Variants in NELL1 observed in about 807,000 individuals in gnomAD.
The protein encoded by NELL1 is protein kinase C-binding protein NELL1.
In NELL1, 76 loss-of-function variants were observed where a neutral mutation model predicts 107.4. That is an observed-to-expected ratio of 0.71 (90% CI 0.59 to 0.86). NELL1 has a LOEUF of 0.86. Ranked by LOEUF, NELL1 falls within the 40% of genes least tolerant of loss-of-function variation. The probability of loss-of-function intolerance (pLI) is 0.00; values close to 1 mark genes in which losing one functional copy is unlikely to be tolerated. For missense variants in NELL1, 1,024 were observed against 1,005.5 expected (o/e 1.02, Z -0.25); for synonymous variants, 353 against 341.2 (o/e 1.03, Z -0.38).
intron 3 of NELL1, among the ~76,000 whole-genome samples, chr11:20,793,632 T>C (rs544367520): frequency 3.9e-5 from 6 of 152,178 alleles, no homozygotes; most frequent in Non-Finnish European, 7.4e-5. Flanking sequence ...CTTGTGAATA[T>C]TGCTTTGAAT....
At chr11:21,343,141 A>C (rs764698587) in intron 14 of NELL1, among the ~76,000 whole-genome samples, 1 of 152,032 alleles carries the variant, frequency 6.6e-6, no homozygotes, top group Non-Finnish European at 1.5e-5. Flanking sequence ...AAATTTGACT[A>C]TATTATTCCT....
At chr11:21,004,113 T>C (rs1852280389) in intron 12 of NELL1, among the ~76,000 whole-genome samples, 1 of 152,150 alleles carries the variant, frequency 6.6e-6, no homozygotes, top group South Asian at 2.1e-4. Flanking sequence ...TGTGTTCCTA[T>C]GCACTTTATA....
At chr11:20,859,179 C>G (rs1848933912) in intron 4 of NELL1, among the ~76,000 whole-genome samples, 1 of 152,178 alleles carries the variant, frequency 6.6e-6, no homozygotes, top group Non-Finnish European at 1.5e-5. Flanking sequence ...GACAGCTTGC[C>G]CTGGCATGCA....
chr11:21,215,249 AAAG>A (rs1857588535), intron 13 of NELL1, among the ~76,000 whole-genome samples: 1 of 152,148 alleles, frequency 6.6e-6, no homozygotes, highest in Non-Finnish European at 1.5e-5. Context: ...GCCACCATGT[AAAG>A]AAGGACATGT....
chr11:20,977,816 G>A (rs1851670634), intron 12 of NELL1, among the ~76,000 whole-genome samples: 1 of 152,102 alleles, frequency 6.6e-6, no homozygotes, highest in Non-Finnish European at 1.5e-5. Context: ...CCTAGTTGTT[G>A]TTGCTGCTAA....
intron 14 of NELL1, among the ~76,000 whole-genome samples, chr11:21,299,715 T>C (rs1849453073): frequency 6.6e-6 from 1 of 151,948 alleles, no homozygotes; most frequent in Non-Finnish European, 1.5e-5. Context: ...ATCGCAACTA[T>C]TTAACTTTGA....
chr11:20,883,711 T>G (rs1849451572), intron 4 of NELL1, among the ~76,000 whole-genome samples: 1 of 152,206 alleles, frequency 6.6e-6, no homozygotes, highest in South Asian at 2.1e-4. Flanking sequence ...TTTTTTCCAG[T>G]GAAAAATATT....
chr11:20,899,465 A>C (rs1849824545), intron 5 of NELL1, among the ~76,000 whole-genome samples: 1 of 152,210 alleles, frequency 6.6e-6, no homozygotes, highest in African/African-American at 2.4e-5. Context: ...AATTTGTGAG[A>C]TGCAGCTAAA....
chr11:20,686,185 C>A (rs985215374), intron 2 of NELL1, among the ~76,000 whole-genome samples: 2 of 151,768 alleles, frequency 1.3e-5, no homozygotes, highest in African/African-American at 4.8e-5. Flanking sequence ...AGAATGAAAA[C>A]CTTCATTTCA....
chr11:21,208,230 T>C (rs965244864), intron 13 of NELL1, among the ~76,000 whole-genome samples: 6 of 151,936 alleles, frequency 3.9e-5, no homozygotes, highest in African/African-American at 1.4e-4. Context: ...CAAAACACAA[T>C]AAAAACCGTC....
intron 16 of NELL1, among the ~76,000 whole-genome samples, chr11:21,557,216 T>TGCC (rs1299653587): frequency 6.6e-6 from 1 of 152,032 alleles, no homozygotes; most frequent in Admixed American, 6.6e-5. Context: ...AGTAAAGCAA[T>TGCC]TACATGGAAC....
chr11:21,294,254 C>T lies in NELL1; in HGVS notation c.1549+64800C>T, dbSNP rs111935423. On this transcript the variant is annotated intron_variant, in intron 14 of 19. Coordinates refer to ENST00000357134, the MANE Select transcript of NELL1 (RefSeq NM_006157.5). Reference sequence around the variant, plus strand: ...CCATAGTGTACCCTTTGTTGGTTCCCTTCATTCATCTAGTTTATTCTGTGC... The same window carrying T: ...CCATAGTGTACCCTTTGTTGGTTCCTTTCATTCATCTAGTTTATTCTGTGC... Among the ~76,000 whole-genome samples the T allele has an allele frequency of 7.6e-4, 116 of 152,120 alleles. 1 individual carries two copies. The highest frequency in any genetic ancestry group is 2.6e-3 in the African/African-American group (106 of 41,516).
intron 12 of NELL1, among the ~76,000 whole-genome samples, chr11:20,974,602 A>AT (rs1270655440): frequency 6.6e-6 from 1 of 152,000 alleles, no homozygotes; most frequent in Non-Finnish European, 1.5e-5. Flanking sequence ...CCAACTCAGC[A>AT]TTTTTTGGTG....
intron 14 of NELL1, among the ~76,000 whole-genome samples, chr11:21,277,119 G>A (rs557631998): frequency 1.3e-3 from 182 of 144,726 alleles, no homozygotes; most frequent in African/African-American, 4.3e-3. Flanking sequence ...GCAACCTACA[G>A]AATGGGAGAA....
intron 3 of NELL1, among the ~76,000 whole-genome samples, chr11:20,812,025 G>C (rs566640041): frequency 1.8e-4 from 27 of 152,286 alleles, no homozygotes; most frequent in Admixed American, 1.4e-3. Context: ...AGATTGTAGA[G>C]AGAAAGCTTT....
chr11:21,113,150 T>C (rs1382158975), intron 12 of NELL1, among the ~76,000 whole-genome samples: 1 of 151,874 alleles, frequency 6.6e-6, no homozygotes, highest in Non-Finnish European at 1.5e-5. Context: ...AGCGTTTGAA[T>C]TGAAGCATGT....
At chr11:21,542,359 G>A (rs972984989) in intron 16 of NELL1, among the ~76,000 whole-genome samples, 1 of 152,030 alleles carries the variant, frequency 6.6e-6, no homozygotes, top group African/African-American at 2.4e-5. Context: ...ACAGTGATGG[G>A]CTCATAGGTA....
intron 15 of NELL1, among the ~76,000 whole-genome samples, chr11:21,447,767 C>T (rs1024598121): frequency 2.0e-5 from 3 of 152,124 alleles, no homozygotes; most frequent in South Asian, 2.1e-4. Flanking sequence ...TGCATACCCC[C>T]CAAGTCCTCT....
intron 13 of NELL1, among the ~76,000 whole-genome samples, chr11:21,129,296 G>A (rs993575239): frequency 2.0e-5 from 3 of 152,184 alleles, no homozygotes; most frequent in South Asian, 4.1e-4. Context: ...CACTGTTGGC[G>A]AGCACGTAAA....
Sources: gnomAD v4.1 joint callset for allele counts (sites outside exome capture counted in the v4.1 genomes callset) on GRCh38, gnomAD v4.1.1 for gene constraint, MANE v1.5 for transcripts, NCBI Gene and HGNC (gene_info 2026-07-23, HGNC 2026-07-21) for gene names.